CAMTA1: variants seen among roughly 807,000 people sequenced by gnomAD.
CAMTA1 encodes the protein calmodulin-binding transcription activator 1.
In CAMTA1, 27 loss-of-function variants were observed where a neutral mutation model predicts 170.9. The ratio of observed to expected loss-of-function variants is 0.16; its 90% CI spans 0.12 to 0.22. The LOEUF is 0.22. Ranked by LOEUF, CAMTA1 falls within the 10% of genes least tolerant of loss-of-function variation. The pLI is 1.00. For missense variants in CAMTA1, 1,619 were observed against 2,217.2 expected, an observed-to-expected ratio of 0.73 and a Z score of 5.42; for synonymous variants, 833 against 891.5, an observed-to-expected ratio of 0.93 and a Z score of 1.17.
intron 8 of CAMTA1, among the ~76,000 whole-genome samples, 185 bp downstream of exon 8, chr1:7,662,051 C>T (rs1307840866): frequency 6.6e-6 from 1 of 152,248 alleles, no homozygotes; most frequent in Non-Finnish European, 1.5e-5. Context: ...CCTCGTCCTG[C>T]CCTGCAACTG....
chr1:7,120,672 G>C (rs898455943), intron 4 of CAMTA1, among the ~76,000 whole-genome samples: 2 of 152,270 alleles, frequency 1.3e-5, no homozygotes, highest in Middle Eastern at 3.4e-3. Context: ...TAACGCAGGG[G>C]GGATCTTAGG....
chr1:7,111,492 C>T (rs1644036642), intron 4 of CAMTA1, among the ~76,000 whole-genome samples: 1 of 152,160 alleles, frequency 6.6e-6, no homozygotes, highest in South Asian at 2.1e-4. Flanking sequence ...CAGGCTTGCA[C>T]CCATCTTAAC....
chr1:6,832,302 A>G (rs1650618908), intron 3 of CAMTA1, among the ~76,000 whole-genome samples: 2 of 151,918 alleles, frequency 1.3e-5, no homozygotes, highest in Admixed American at 1.3e-4. Flanking sequence ...CATCCAAACA[A>G]CTGAGCTCAA....
At chr1:7,034,310 C>A (rs940977876) in intron 3 of CAMTA1, among the ~76,000 whole-genome samples, 1 of 152,158 alleles carries the variant, frequency 6.6e-6, no homozygotes, top group African/African-American at 2.4e-5. Context: ...GTGCCCACCA[C>A]CACAGCCAGT....
intron 16 of CAMTA1, among the ~76,000 whole-genome samples, chr1:7,742,988 C>G (rs1358806555): frequency 6.6e-6 from 1 of 152,108 alleles, no homozygotes; most frequent in Non-Finnish European, 1.5e-5. Flanking sequence ...TAAGAAAGCA[C>G]TAGGCCTGCA....
At chr1:7,716,477 T>C (rs1441650339) in intron 11 of CAMTA1, among the ~76,000 whole-genome samples, 1 of 152,214 alleles carries the variant, frequency 6.6e-6, no homozygotes, top group Non-Finnish European at 1.5e-5. Context: ...GAAGGACTTA[T>C]TTACCTATAT....
rs946478196 is a variant in CAMTA1, at chr1:6,898,048, A to G, written c.234+72838A>G. 3.3e-5 allele frequency among the ~76,000 whole-genome samples: 5 copies of G among 152,356 alleles called. No homozygotes were observed. The East Asian group carries it at 7.7e-4, about 23-fold the overall frequency. ...CGAATCCAAAGTTGTTTACCCTACG[A>G]AAGTTGAGATTCCAGTTCATTTGCT... is the stretch of plus-strand genomic sequence containing the variant. On this transcript the variant is annotated intron_variant, in intron 3 of 22. Transcript: ENST00000303635.
At chr1:7,483,492 G>A (rs922777797) in intron 6 of CAMTA1, among the ~76,000 whole-genome samples, 6 of 152,180 alleles carry the variant, frequency 3.9e-5, no homozygotes, top group African/African-American at 1.2e-4. Context: ...CCCTCAGATC[G>A]CAGCCAAAGC....
At chr1:6,838,544 A>G (rs1276814230) in intron 3 of CAMTA1, among the ~76,000 whole-genome samples, 1 of 152,172 alleles carries the variant, frequency 6.6e-6, no homozygotes, top group Non-Finnish European at 1.5e-5. Context: ...TCTGAAGTGA[A>G]CAATTTCTAA....
At chr1:7,058,317 G>A (rs557420311) in intron 3 of CAMTA1, among the ~76,000 whole-genome samples, 204 of 152,244 alleles carry the variant, frequency 1.3e-3, no homozygotes, top group South Asian at 2.7e-3. Flanking sequence ...GATGGGAGAC[G>A]GTTTTCTCAT....
intron 6 of CAMTA1, among the ~76,000 whole-genome samples, chr1:7,527,355 C>T (rs1027364989): frequency 1.3e-5 from 2 of 152,188 alleles, no homozygotes; most frequent in African/African-American, 4.8e-5. Context: ...CCAGACGATC[C>T]ACCCCTGGAG....
intron 6 of CAMTA1, among the ~76,000 whole-genome samples, chr1:7,506,444 ACTCAAAATTCACACT>A (rs1439661707): frequency 3.3e-5 from 5 of 151,686 alleles, no homozygotes; most frequent in South Asian, 4.2e-4. Flanking sequence ...CAAAATTCAC[ACTCAAAATTCACACT>A]CTCATACTAA....
chr1:7,487,598 C>T (rs951461863), intron 6 of CAMTA1, among the ~76,000 whole-genome samples: 5 of 152,038 alleles, frequency 3.3e-5, no homozygotes, highest in Admixed American at 6.5e-5. Context: ...GATGCTGGAC[C>T]TGCTGCAGCC....
rs1335660285 is a variant in CAMTA1, at chr1:7,642,358, C to T, written c.664+1805C>T. On this transcript the variant is annotated intron_variant, in intron 7 of 22. Transcript: ENST00000303635. The surrounding 1 kb of genome is among the most constrained non-coding windows in gnomAD (Gnocchi z 6.3). ...GGGGGGGAAGGGACCTGCCCAGGGT[C>T]CTGAGCAGAGGACAGAAGCTGCAGT... Among the ~76,000 whole-genome samples, 1 of 152,176 alleles carries T rather than the reference C, an allele frequency of 6.6e-6. No homozygotes were observed. The highest frequency in any genetic ancestry group is 1.5e-5 in the Non-Finnish European group (1 of 68,012).
chr1:7,453,505 A>G lies in CAMTA1; in HGVS notation c.439-14325A>G, dbSNP rs892980074. Reference sequence around the variant, plus strand: ...GAGAAGGCAGCCCTTTTAGCATTTTATGTCCGGATGAAATAGTTCTAGGCA... The same window carrying G: ...GAGAAGGCAGCCCTTTTAGCATTTTGTGTCCGGATGAAATAGTTCTAGGCA... On this transcript the variant is annotated intron_variant, in intron 5 of 22. Coordinates refer to ENST00000303635, the MANE Select transcript of CAMTA1 (RefSeq NM_015215.4). Among the ~76,000 whole-genome samples, 6 of 152,172 alleles carry G rather than the reference A, an allele frequency of 3.9e-5. 1 individual carries two copies. Among genetic ancestry groups the G allele is most frequent in the Non-Finnish European group, 7.3e-5 (5 of 68,030 alleles).
intron 6 of CAMTA1, among the ~76,000 whole-genome samples, chr1:7,566,920 C>G (rs2095050379): frequency 6.6e-6 from 1 of 152,220 alleles, no homozygotes. Flanking sequence ...GGCCAGTCTT[C>G]ATGGACCTTG....
chr1:6,867,205 C>T (rs951982131), intron 3 of CAMTA1, among the ~76,000 whole-genome samples: 15 of 152,232 alleles, frequency 9.9e-5, no homozygotes, highest in South Asian at 4.1e-4. Context: ...GTGCCTTTTG[C>T]GATTCCTTCT....
chr1:6,805,981 T>G (rs913181957), intron 1 of CAMTA1, among the ~76,000 whole-genome samples: 1 of 152,100 alleles, frequency 6.6e-6, no homozygotes, highest in Non-Finnish European at 1.5e-5. Context: ...TTTGTTAGAG[T>G]TCTGTAGTTT....
At chr1:7,304,807 C>G (rs1675333593) in intron 5 of CAMTA1, among the ~76,000 whole-genome samples, 2 of 151,682 alleles carry the variant, frequency 1.3e-5, no homozygotes, top group Non-Finnish European at 2.9e-5. Context: ...AATAATTTCT[C>G]AGCTCATAAC....
Sources: gnomAD v4.1 joint callset for allele counts (sites outside exome capture counted in the v4.1 genomes callset) on GRCh38, gnomAD v4.1.1 for gene constraint, Gnocchi (gnomAD v3.1) non-coding constraint, MANE v1.5 for transcripts, NCBI Gene and HGNC (gene_info 2026-07-23, HGNC 2026-07-21) for gene names.